The following LRRC7 variants were observed in gnomAD, a reference collection of about 807,000 sequenced individuals.
LRRC7 encodes leucine rich repeat containing 7.
Under a neutral mutation model 175.7 loss-of-function variants are expected in LRRC7, and 23 were observed. The observed-to-expected ratio is 0.13, with a 90% CI of 0.09 to 0.19. LRRC7 has a LOEUF of 0.19. Among genes scored for constraint, LRRC7 ranks in the 10% least tolerant of loss-of-function variants. The pLI is 1.00. For missense variants in LRRC7, 1,354 were observed against 1,904.7 expected (o/e 0.71, Z 5.38); for synonymous variants, 685 against 680.9 (o/e 1.01, Z -0.09).
chr1:69,665,348 T>C (rs758428256), intron 1 of LRRC7, among the ~76,000 whole-genome samples: 4 of 152,126 alleles, frequency 2.6e-5, no homozygotes, highest in African/African-American at 4.8e-5. Flanking sequence ...AAGAATGTCA[T>C]TAGTATTTTG....
chr1:69,790,502 C>A (rs1301454245), intron 3 of LRRC7, among the ~76,000 whole-genome samples: 1 of 151,964 alleles, frequency 6.6e-6, no homozygotes, highest in Non-Finnish European at 1.5e-5. Context: ...TTAGCCTGAA[C>A]ATGGCTTGAA....
At chr1:70,023,992 A>G (rs989839855) in intron 17 of LRRC7, among the ~76,000 whole-genome samples, 3 of 151,902 alleles carry the variant, frequency 2.0e-5, no homozygotes, top group African/African-American at 7.3e-5. Context: ...TAATGGGGGG[A>G]AAAACATGTC....
At chr1:70,120,956 A>G (rs1666174137) in intron 26 of LRRC7, among the ~76,000 whole-genome samples, 1 of 152,062 alleles carries the variant, frequency 6.6e-6, no homozygotes, top group African/African-American at 2.4e-5. Flanking sequence ...TCCAATCAAG[A>G]CAATCTGCAA....
In LRRC7 at chr1:69,661,071, A is replaced by G. The variant is rs1225415322; in HGVS notation, c.3-17310A>G. ...CTTGGCCATGTTTGGGGTAAGGAACAGAAAATGAAATGCCAGGTTCAGAGT... is the reference window on the plus strand; with the variant it reads ...CTTGGCCATGTTTGGGGTAAGGAACGGAAAATGAAATGCCAGGTTCAGAGT... On this transcript the variant is annotated intron_variant, in intron 1 of 26. Coordinates refer to ENST00000651989, the MANE Select transcript of LRRC7 (RefSeq NM_001370785.2). Among the ~76,000 whole-genome samples, 5 of 152,236 alleles carry G rather than the reference A, an allele frequency of 3.3e-5. No homozygotes were observed. The South Asian group carries it at 6.2e-4, about 19-fold the overall frequency.
intron 1 of LRRC7, among the ~76,000 whole-genome samples, chr1:69,653,177 T>G (rs890257233): frequency 9.9e-5 from 15 of 151,960 alleles, no homozygotes; most frequent in African/African-American, 3.6e-4. Flanking sequence ...GAGAAAATAT[T>G]TACACATGAC....
At chr1:69,819,323 G>A (rs1678959239) in intron 4 of LRRC7, among the ~76,000 whole-genome samples, 2 of 151,776 alleles carry the variant, frequency 1.3e-5, no homozygotes, top group African/African-American at 2.4e-5. Context: ...TGACCTAATG[G>A]TTGCTCAGGA....
chr1:70,038,429 A>G lies in LRRC7; in HGVS notation c.2605A>G (p.Thr869Ala). 1 of 1,614,168 alleles carries G rather than the reference A, an allele frequency of 6.2e-7. No individual in the cohort carries two copies. Among genetic ancestry groups the G allele is most frequent in the Non-Finnish European group, 8.5e-7 (1 of 1,180,010 alleles). ...ACTCGAGCAGTCTACACACAGACAC[A>G]CACCAGAAACAGAAGTGCCTCCTTC... Reference protein sequence around the residue: ...LELEQSTHRHTPETEVPPSNP... With the variant: ...LELEQSTHRHAPETEVPPSNP... The change falls in exon 21 of 27, where the codon ACA (threonine) becomes GCA (alanine). Residue 869 changes from threonine (T) to alanine (A), a missense_variant. Transcript: ENST00000651989.
At chr1:69,609,352 T>A (rs879114001) in intron 1 of LRRC7, among the ~76,000 whole-genome samples, 2 of 152,062 alleles carry the variant, frequency 1.3e-5, no homozygotes, top group Non-Finnish European at 2.9e-5. Context: ...TATTCTAATC[T>A]CAGCTGATGA....
chr1:69,581,189 A>C (rs181401663), intron 1 of LRRC7, among the ~76,000 whole-genome samples: 27 of 152,336 alleles, frequency 1.8e-4, no homozygotes, highest in Non-Finnish European at 1.5e-5. Context: ...TTATGAACAC[A>C]AAAGTGGTGT....
chr1:69,812,063 C>A (rs572265113), intron 4 of LRRC7, among the ~76,000 whole-genome samples: 1 of 152,018 alleles, frequency 6.6e-6, no homozygotes, highest in Non-Finnish European at 1.5e-5. Flanking sequence ...TGAAATTTGG[C>A]CTAAGAAAAA....
At chr1:70,111,783 C>T (rs1298236717) in intron 26 of LRRC7, among the ~76,000 whole-genome samples, 1 of 152,154 alleles carries the variant, frequency 6.6e-6, no homozygotes, top group Non-Finnish European at 1.5e-5. Context: ...CCTGTTCAAT[C>T]AGGGAAGCCA....
intron 8 of LRRC7, among the ~76,000 whole-genome samples, chr1:69,965,823 C>T (rs1335103496): frequency 1.3e-5 from 2 of 152,006 alleles, no homozygotes; most frequent in African/African-American, 4.8e-5. Flanking sequence ...GGGTTGTCAT[C>T]AAAAGGTGAA....
chr1:69,873,973 C>A (rs1030928023), intron 7 of LRRC7: 2 of 152,038 alleles, frequency 1.3e-5, no homozygotes, highest in Non-Finnish European at 2.9e-5. Flanking sequence ...AAGATAATTT[C>A]TCTAGTTTGT....
At chr1:69,954,966 C>G (rs575591961) in intron 8 of LRRC7, among the ~76,000 whole-genome samples, 2 of 152,112 alleles carry the variant, frequency 1.3e-5, no homozygotes, top group South Asian at 2.1e-4. Context: ...GAAGATCATT[C>G]TTACATGGAA....
chr1:69,608,858 C>CTA (rs1648170760), intron 1 of LRRC7, among the ~76,000 whole-genome samples: 5 of 25,904 alleles, frequency 1.9e-4, no homozygotes, highest in Non-Finnish European at 2.7e-4. Flanking sequence ...CTCTCTCTCT[C>CTA]TCTCTCTCTA....
intron 2 of LRRC7, among the ~76,000 whole-genome samples, chr1:69,754,619 G>A (rs1670204543): frequency 6.6e-6 from 1 of 151,978 alleles, no homozygotes; most frequent in Non-Finnish European, 1.5e-5. Context: ...TACAGATGAG[G>A]AAACTGATAG....
intron 5 of LRRC7, among the ~76,000 whole-genome samples, chr1:69,833,046 A>G (rs1209157737): frequency 1.4e-5 from 2 of 147,634 alleles, no homozygotes; most frequent in African/African-American, 4.9e-5. Context: ...CGGAGGTTGC[A>G]GTGAGCCGAG....
chr1:69,738,281 G>A (rs1668336540), intron 2 of LRRC7, among the ~76,000 whole-genome samples: 1 of 151,924 alleles, frequency 6.6e-6, no homozygotes, highest in African/African-American at 2.4e-5. Flanking sequence ...CTGGTAATTG[G>A]CAGAGCTGGG....
intron 4 of LRRC7, among the ~76,000 whole-genome samples, chr1:69,815,595 C>T (rs1031153815): frequency 6.6e-6 from 1 of 152,182 alleles, no homozygotes; most frequent in Non-Finnish European, 1.5e-5. Flanking sequence ...CCAAAAAGCT[C>T]TTTCAATGAC....
Sources: allele counts gnomAD v4.1 joint callset (sites outside exome capture counted in the v4.1 genomes callset), GRCh38; gene constraint gnomAD v4.1.1; transcripts MANE v1.5; gene names NCBI Gene and HGNC (gene_info 2026-07-23, HGNC 2026-07-21).